Variants in SLC4A10 observed in about 807,000 individuals in gnomAD.
The protein encoded by SLC4A10 is sodium-driven chloride bicarbonate exchanger.
A neutral mutation model predicts 137.7 loss-of-function variants in SLC4A10; 42 were observed. That is an observed-to-expected ratio of 0.30 (90% CI 0.24 to 0.39). The LOEUF is 0.39. SLC4A10 is among the 10% of genes least tolerant of loss of function. SLC4A10 has a pLI of 1.00. For synonymous variants in SLC4A10, 474 were observed against 464.1 expected (o/e 1.02, Z -0.27); for missense variants, 925 against 1,355.0 (o/e 0.68, Z 4.98).
At chr2:161,647,289 G>T (rs750194986) in intron 1 of SLC4A10, among the ~76,000 whole-genome samples, 19 of 151,974 alleles carry the variant, frequency 1.3e-4, no homozygotes, top group African/African-American at 4.6e-4. Context: ...AGGTATTTCA[G>T]CCTGTCAGGG....
At chr2:161,864,281 C>T (rs1196886190) in intron 6 of SLC4A10, among the ~76,000 whole-genome samples, 1 of 152,072 alleles carries the variant, frequency 6.6e-6, no homozygotes, top group Non-Finnish European at 1.5e-5. Flanking sequence ...AGACTGATTT[C>T]CACGAATGGA....
intron 1 of SLC4A10, among the ~76,000 whole-genome samples, chr2:161,727,374 G>A (rs1487805883): frequency 2.0e-5 from 3 of 152,140 alleles, no homozygotes; most frequent in Non-Finnish European, 1.5e-5. Flanking sequence ...CACATTCTCA[G>A]GGCTTCTTCA....
chr2:161,943,491 G>C (rs1444675851), intron 16 of SLC4A10, among the ~76,000 whole-genome samples: 6 of 151,834 alleles, frequency 4.0e-5, no homozygotes, highest in Non-Finnish European at 7.4e-5. Flanking sequence ...TATTTCCTTT[G>C]ACTTTTCTCT....
chr2:161,673,130 A>T (rs1023324134), intron 1 of SLC4A10, among the ~76,000 whole-genome samples: 11 of 152,220 alleles, frequency 7.2e-5, no homozygotes, highest in African/African-American at 2.7e-4. Context: ...CTCTTGTTGA[A>T]GTAGTGGAAT....
chr2:161,825,402 G>C (rs1012056396), intron 3 of SLC4A10, among the ~76,000 whole-genome samples: 1 of 152,082 alleles, frequency 6.6e-6, no homozygotes, highest in African/African-American at 2.4e-5. Flanking sequence ...CACTCCTTAG[G>C]CTTAGCAAGA....
intron 3 of SLC4A10, among the ~76,000 whole-genome samples, chr2:161,815,182 CTG>C (rs2056925589): frequency 6.6e-6 from 1 of 152,072 alleles, no homozygotes; most frequent in African/African-American, 2.4e-5. Context: ...TGGTTTGGCT[CTG>C]TGTCCCCACC....
chr2:161,723,634 A>G (rs1172471228), intron 1 of SLC4A10, among the ~76,000 whole-genome samples: 1 of 152,166 alleles, frequency 6.6e-6, no homozygotes, highest in East Asian at 1.9e-4. Flanking sequence ...AATCTGATCT[A>G]TATCCATGAT....
intron 1 of SLC4A10, among the ~76,000 whole-genome samples, chr2:161,730,982 G>A (rs1451679423): frequency 6.6e-6 from 1 of 152,140 alleles, no homozygotes; most frequent in Non-Finnish European, 1.5e-5. Flanking sequence ...ATAACAATTG[G>A]TGAATCATGA....
chr2:161,752,229 T>G (rs1253686661), intron 1 of SLC4A10, among the ~76,000 whole-genome samples: 1 of 152,048 alleles, frequency 6.6e-6, no homozygotes, highest in Admixed American at 6.6e-5. Flanking sequence ...TATTGCTTTC[T>G]GGCTCCAGTA....
intron 1 of SLC4A10, among the ~76,000 whole-genome samples, chr2:161,651,945 G>A (rs1395914686): frequency 1.3e-5 from 2 of 152,210 alleles, no homozygotes; most frequent in Non-Finnish European, 2.9e-5. Context: ...TGGCCACAGA[G>A]GCTTCTGGCT....
At chr2:161,895,723 G>A (rs2063411720) in intron 11 of SLC4A10, among the ~76,000 whole-genome samples, 1 of 152,126 alleles carries the variant, frequency 6.6e-6, no homozygotes, top group Non-Finnish European at 1.5e-5. Flanking sequence ...TTTAAGAAGT[G>A]TCTGTTCATA....
chr2:161,638,313 G>A (rs1475860812), intron 1 of SLC4A10, among the ~76,000 whole-genome samples: 4 of 152,072 alleles, frequency 2.6e-5, no homozygotes, highest in African/African-American at 9.7e-5. Context: ...TTTGTATATG[G>A]TGATCCATAG....
At chr2:161,901,509 T>C (rs963055495) in intron 12 of SLC4A10, among the ~76,000 whole-genome samples, 2 of 152,204 alleles carry the variant, frequency 1.3e-5, no homozygotes, top group Non-Finnish European at 2.9e-5. Context: ...AATTTATTTC[T>C]TAAAATGGTG....
chr2:161,816,120 C>T (rs1483585788), intron 3 of SLC4A10, among the ~76,000 whole-genome samples: 1 of 152,096 alleles, frequency 6.6e-6, no homozygotes, highest in Non-Finnish European at 1.5e-5. Flanking sequence ...TAAACACCAT[C>T]CTATCTGATT....
intron 2 of SLC4A10, among the ~76,000 whole-genome samples, chr2:161,798,640 A>G (rs2055038992): frequency 6.6e-6 from 1 of 151,770 alleles, no homozygotes; most frequent in Non-Finnish European, 1.5e-5. Flanking sequence ...TCAGAAAATA[A>G]TATGTACAAA....
At chr2:161,925,469 T>G (rs1688904984) in intron 15 of SLC4A10, among the ~76,000 whole-genome samples, 3 of 152,188 alleles carry the variant, frequency 2.0e-5, no homozygotes, top group Admixed American at 1.3e-4. Context: ...TTCCTAGCGG[T>G]CTATCAATTT....
chr2:161,966,750 C>CAAAAAAA (rs756075108), intron 23 of SLC4A10, among the ~76,000 whole-genome samples: 6 of 144,926 alleles, frequency 4.1e-5, no homozygotes, highest in Non-Finnish European at 7.6e-5. Context: ...AAAAAAAAAA[C>CAAAAAAA]AAAAAACTTT....
In SLC4A10 at chr2:161,974,387, T is replaced by C. The variant is rs1699049313; in HGVS notation, c.3227+71T>C. On this transcript the variant is annotated intron_variant, in intron 24 of 26. Coordinates refer to ENST00000446997, the MANE Select transcript of SLC4A10 (RefSeq NM_001178015.2). Reference sequence around the variant, plus strand: ...ATTGTTATATACTTTAAGAATTTCATACTGTGTAGATCCTCAGAGAGGTTT... The same window carrying C: ...ATTGTTATATACTTTAAGAATTTCACACTGTGTAGATCCTCAGAGAGGTTT... 4 of 1,262,372 alleles carry C rather than the reference T, an allele frequency of 3.2e-6. No homozygotes were observed. In the South Asian group the frequency reaches 4.5e-5, roughly 14 times the overall value. The allele number at this position is 1,262,372 out of a possible 1,614,324, so 78.2% of individuals were successfully genotyped here.
intron 10 of SLC4A10, among the ~76,000 whole-genome samples, chr2:161,889,877 G>C (rs1006501327): frequency 1.3e-5 from 2 of 152,110 alleles, no homozygotes; most frequent in African/African-American, 4.8e-5. Flanking sequence ...TAACTGTGAT[G>C]TTAGGGTGTC....
Sources: gnomAD v4.1 joint callset for allele counts (sites outside exome capture counted in the v4.1 genomes callset) on GRCh38, gnomAD v4.1.1 for gene constraint, MANE v1.5 for transcripts, NCBI Gene and HGNC (gene_info 2026-07-23, HGNC 2026-07-21) for gene names.